CNTN4: variants seen among roughly 807,000 people sequenced by gnomAD.
CNTN4 encodes contactin 4, also known as contactin-4.
A neutral mutation model predicts 122.5 loss-of-function variants in CNTN4; 77 were observed. The ratio of observed to expected loss-of-function variants is 0.63; its 90% CI spans 0.52 to 0.76. CNTN4 has a LOEUF of 0.76. Ranked by LOEUF, CNTN4 falls within the 30% of genes least tolerant of loss-of-function variation. The pLI is 0.00. For missense variants in CNTN4, 1,256 were observed against 1,259.1 expected (o/e 1.00, Z 0.04); for synonymous variants, 512 against 447.0 (o/e 1.15, Z -1.83).
Position 2,925,706 on chromosome 3 carries a change from T to C in CNTN4, c.1285T>C (p.Cys429Arg), listed in dbSNP as rs202070191. ...VKVGGEVVIE[C>R]KPKASPKPVY... ...AGTGGGAGGTGAAGTTGTCATTGAG[T>C]GTAAGCCAAAAGCGTCTCCAAAACC... is the stretch of plus-strand genomic sequence containing the variant. Residue 429 changes from cysteine to arginine, a missense_variant, in exon 13 of 25, where the codon TGT (cysteine) becomes CGT (arginine). Transcript: ENST00000418658. The C allele has an allele frequency of 1.4e-5, 22 of 1,613,828 alleles. No individual in the cohort carries two copies. Among genetic ancestry groups the C allele is most frequent in the Non-Finnish European group, 8.5e-7 (1 of 1,179,898 alleles).
intron 3 of CNTN4, among the ~76,000 whole-genome samples, chr3:2,536,895 G>A (rs778137343): frequency 2.4e-4 from 36 of 151,970 alleles, no homozygotes; most frequent in Non-Finnish European, 4.1e-4. Context: ...TTAGATCTTG[G>A]CTTTGGTGCT....
chr3:2,292,201 T>C (rs2042160140), intron 2 of CNTN4, among the ~76,000 whole-genome samples: 4 of 152,182 alleles, frequency 2.6e-5, no homozygotes. Flanking sequence ...TGGCAACAGA[T>C]TATTTTTCTT....
intron 10 of CNTN4, among the ~76,000 whole-genome samples, chr3:2,888,309 C>G (rs750426167): frequency 1.3e-5 from 2 of 152,154 alleles, no homozygotes; most frequent in African/African-American, 2.4e-5. Context: ...TGCTCCCTTG[C>G]TAACCGCAAT....
intron 3 of CNTN4, among the ~76,000 whole-genome samples, chr3:2,449,199 T>G (rs1048050312): frequency 7.2e-5 from 11 of 152,172 alleles, no homozygotes; most frequent in African/African-American, 1.9e-4. Flanking sequence ...TTTGCTATTT[T>G]CGAGATCATT....
rs1320797348 is a variant in CNTN4, at chr3:2,925,705, G to A, written c.1284G>A (p.Glu428=). ...LVKVGGEVVI[E]CKPKASPKPV... ...AAGTGGGAGGTGAAGTTGTCATTGA[G>A]TGTAAGCCAAAAGCGTCTCCAAAAC... The change falls in exon 13 of 25, where the codon GAG becomes GAA. Residue 428 remains glutamate, a synonymous_variant. Coordinates refer to ENST00000418658, the MANE Select transcript of CNTN4 (RefSeq NM_175607.3). 2 of 1,614,046 alleles carry A rather than the reference G, an allele frequency of 1.2e-6. No homozygotes were observed. Among genetic ancestry groups the A allele is most frequent in the South Asian group, 1.1e-5 (1 of 91,084 alleles).
At chr3:2,337,781 T>C (rs75477344) in intron 2 of CNTN4, among the ~76,000 whole-genome samples, 4,871 of 151,754 alleles carry the variant, frequency 0.032, 114 homozygotes, top group Non-Finnish European at 0.047. Flanking sequence ...ATATGACAAA[T>C]TTTTAGTAAT....
chr3:2,135,493 G>T (rs1222117775), intron 2 of CNTN4, among the ~76,000 whole-genome samples: 1 of 152,176 alleles, frequency 6.6e-6, no homozygotes, highest in East Asian at 1.9e-4. Flanking sequence ...GAGCCAGAGA[G>T]AATTTGATGG....
At chr3:3,042,886 A>C (rs969139453) in intron 21 of CNTN4, 91 bp from the exon 22 acceptor site, 1 of 1,022,170 alleles carries the variant, frequency 9.8e-7, no homozygotes, top group South Asian at 1.3e-5. Context: ...AACTAACTCC[A>C]TCATAAGAAT....
At chr3:2,836,527 G>A (rs1209383921) in intron 7 of CNTN4, among the ~76,000 whole-genome samples, 1 of 151,956 alleles carries the variant, frequency 6.6e-6, no homozygotes, top group Non-Finnish European at 1.5e-5. Flanking sequence ...TAGGTGTTAT[G>A]TATTCCCATT....
intron 2 of CNTN4, among the ~76,000 whole-genome samples, chr3:2,137,102 G>A (rs2034731365): frequency 7.7e-6 from 1 of 130,484 alleles, no homozygotes; most frequent in Non-Finnish European, 1.7e-5. Flanking sequence ...CTTTAGTTCA[G>A]ATATAACCTA....
intron 2 of CNTN4, among the ~76,000 whole-genome samples, chr3:2,239,912 A>T (rs1363871193): frequency 1.3e-5 from 2 of 152,192 alleles, no homozygotes; most frequent in African/African-American, 4.8e-5. Flanking sequence ...CCCATCCTAA[A>T]ATCATTCATT....
intron 2 of CNTN4, among the ~76,000 whole-genome samples, chr3:2,239,322 A>C (rs895472283): frequency 6.6e-6 from 1 of 152,228 alleles, no homozygotes; most frequent in Admixed American, 6.5e-5. Flanking sequence ...TTTAAGAAAG[A>C]TTAATTAATG....
chr3:2,428,005 C>T (rs1406067797), intron 3 of CNTN4, among the ~76,000 whole-genome samples: 3 of 150,528 alleles, frequency 2.0e-5, no homozygotes, highest in Admixed American at 6.6e-5. Context: ...AGCACACTGA[C>T]AGGTCTTGAC....
intron 2 of CNTN4, among the ~76,000 whole-genome samples, chr3:2,207,132 A>G (rs879463599): frequency 7.9e-5 from 12 of 152,092 alleles, no homozygotes; most frequent in Admixed American, 3.3e-4. Flanking sequence ...AACTTAATTG[A>G]TAAGTGTAGA....
At chr3:2,241,485 C>G (rs1170963347) in intron 2 of CNTN4, among the ~76,000 whole-genome samples, 1 of 152,164 alleles carries the variant, frequency 6.6e-6, no homozygotes, top group African/African-American at 2.4e-5. Flanking sequence ...ATTCAATTCT[C>G]TTTTCTAGGG....
At chr3:3,045,060 G>T (rs180825306) in intron 23 of CNTN4, among the ~76,000 whole-genome samples, 1 of 152,176 alleles carries the variant, frequency 6.6e-6, no homozygotes, top group Non-Finnish European at 1.5e-5. Context: ...GTCTGAGATC[G>T]AACTGCAAGG....
intron 13 of CNTN4, among the ~76,000 whole-genome samples, chr3:2,957,283 A>G (rs2094809859): frequency 6.6e-6 from 1 of 151,868 alleles, no homozygotes; most frequent in Non-Finnish European, 1.5e-5. Context: ...TTTTTTCCAC[A>G]CCCTAGTCAA....
chr3:2,453,054 A>T (rs1213641860), intron 3 of CNTN4, among the ~76,000 whole-genome samples: 2 of 152,172 alleles, frequency 1.3e-5, no homozygotes, highest in South Asian at 4.1e-4. Context: ...AATGATATAC[A>T]CTGAAGCAGT....
chr3:2,977,015 G>A (rs920189333), intron 13 of CNTN4, among the ~76,000 whole-genome samples: 12 of 152,170 alleles, frequency 7.9e-5, no homozygotes, highest in Non-Finnish European at 1.5e-4. Context: ...TACTGTATCC[G>A]TATGTCAGCT....
Sources: gnomAD v4.1 joint callset for allele counts (sites outside exome capture counted in the v4.1 genomes callset) on GRCh38, gnomAD v4.1.1 for gene constraint, MANE v1.5 for transcripts, NCBI Gene and HGNC (gene_info 2026-07-23, HGNC 2026-07-21) for gene names.